Variants in MEIOC observed in about 807,000 individuals in gnomAD.
MEIOC encodes meiosis-specific coiled-coil domain-containing protein MEIOC.
Under a neutral mutation model 85.3 loss-of-function variants are expected in MEIOC, and 9 were observed. That is an observed-to-expected ratio of 0.11 (90% CI 0.06 to 0.18). The LOEUF is 0.18. MEIOC is among the 10% of genes least tolerant of loss of function. The pLI is 1.00. For synonymous variants in MEIOC, 365 were observed against 393.7 expected (o/e 0.93, Z 0.86); for missense variants, 898 against 1,129.4 (o/e 0.80, Z 2.94).
rs1425878964 is a variant in MEIOC, at chr17:44,673,533, C to G, written c.2625C>G (p.Cys875Trp). 2.6e-5 allele frequency: 40 copies of G among 1,545,462 alleles called. No individual in the cohort carries two copies. Among genetic ancestry groups the G allele is most frequent in the Middle Eastern group, 1.7e-4 (1 of 5,976 alleles). ...SNRQRQGVPR[C>W]QDDRDVFALA... ...GGCAAAGGCAAGGAGTTCCTAGATG[C>G]CAAGATGACAGAGGTACAAATATTA... The change falls in exon 7 of 8, where the codon TGC becomes TGG. Residue 875 changes from cysteine to tryptophan, a missense_variant. Coordinates refer to ENST00000409122, the MANE Select transcript of MEIOC (RefSeq NM_001145080.3).
intron 3 of MEIOC, chr17:44,665,024 C>A: frequency 2.1e-6 from 1 of 482,572 alleles, no homozygotes; most frequent in Non-Finnish European, 2.7e-6. Context: ...TATAATAAGA[C>A]AAGACTTGCT....
intron 6 of MEIOC, 54 bp from the exon 7 acceptor site, chr17:44,673,312 T>A: frequency 1.5e-6 from 2 of 1,339,392 alleles, no homozygotes; most frequent in African/African-American, 1.5e-5. Flanking sequence ...GATTTGTTTT[T>A]ACTTAAGTTA....
intron 5 of MEIOC, 120 bp downstream of exon 5, chr17:44,668,353 T>C: frequency 1.0e-6 from 1 of 965,232 alleles, no homozygotes; most frequent in Non-Finnish European, 1.5e-6. Context: ...TTTGTTGTTG[T>C]TTTAAAGAGA....
chr17:44,666,498 A>T lies in MEIOC; in HGVS notation c.587A>T (p.Tyr196Phe), dbSNP rs373304997. Residue 196 changes from tyrosine (Y) to phenylalanine (F), a missense_variant, in exon 5 of 8, where the codon TAT (tyrosine) becomes TTT (phenylalanine). By Grantham distance (22) the Tyr-to-Phe change is conservative. Coordinates refer to ENST00000409122, the MANE Select transcript of MEIOC (RefSeq NM_001145080.3). Reference protein sequence around the residue: ...IDTVISQQAFYSDESVSAMEK... With the variant: ...IDTVISQQAFFSDESVSAMEK... ...ACAGTCATCTCTCAGCAAGCTTTTT[A>T]TAGTGATGAATCTGTGTCAGCAATG... 1 of 1,600,908 alleles carries T rather than the reference A, an allele frequency of 6.2e-7. No homozygotes were observed. The highest frequency in any genetic ancestry group is 8.5e-7 in the Non-Finnish European group (1 of 1,172,940).
intron 3 of MEIOC, 71 bp downstream of exon 3, chr17:44,662,542 G>T: frequency 9.2e-7 from 1 of 1,084,066 alleles, no homozygotes; most frequent in Non-Finnish European, 1.3e-6. Flanking sequence ...GAGGTTATTT[G>T]CTCTCTGTTC....
chr17:44,668,039 C>G lies in MEIOC; in HGVS notation c.2128C>G (p.Leu710Val), dbSNP rs376480149. 2.5e-6 allele frequency: 4 copies of G among 1,613,368 alleles called. No homozygotes were observed. In the African/African-American group the frequency reaches 4.0e-5, roughly 16 times the overall value. The change falls in exon 5 of 8, where the codon CTT becomes GTT. Residue 710 changes from leucine to valine, a missense_variant. Physicochemically the swap from Leu to Val is conservative, Grantham distance 32 (BLOSUM62 1). This residue lies in a region of MEIOC where 734 missense variants were observed against 860.1 expected (regional missense o/e 0.85). Transcript: ENST00000409122. ...TCCACTGTTGGATTCCTATGACTTA[C>G]TTTCTTATGATGACTTAAGCCATTT... ...VVPLLDSYDL[L>V]SYDDLSHLYP...
In MEIOC at chr17:44,667,772, G is replaced by A. The variant is rs1217927481; in HGVS notation, c.1861G>A (p.Glu621Lys). 2 of 1,613,848 alleles carry A rather than the reference G, an allele frequency of 1.2e-6. No individual in the cohort carries two copies. Among genetic ancestry groups the A allele is most frequent in the South Asian group, 2.2e-5 (2 of 91,058 alleles). ...CCAGAGTGGACATTATGATCCTGAG[G>A]AAGGTCCAAAGCATTTAGATGGCTT... ...KPQSGHYDPEEGPKHLDGLSQ... is the reference protein window; with the variant it reads ...KPQSGHYDPEKGPKHLDGLSQ... The change falls in exon 5 of 8, where the codon GAA (glutamate) becomes AAA (lysine). Residue 621 changes from glutamate (E) to lysine (K), a missense_variant. Physicochemically the swap from Glu to Lys is moderately conservative, Grantham distance 56 (BLOSUM62 1). This residue lies in a region of MEIOC where 734 missense variants were observed against 860.1 expected (regional missense o/e 0.85). Coordinates refer to ENST00000409122, the MANE Select transcript of MEIOC (RefSeq NM_001145080.3).
At chr17:44,668,562 C>T (rs1971948078) in intron 5 of MEIOC, among the ~76,000 whole-genome samples, 1 of 152,086 alleles carries the variant, frequency 6.6e-6, no homozygotes, top group Non-Finnish European at 1.5e-5. Context: ...AAACCCCTGG[C>T]CTCAAGCCAT....
At chr17:44,664,044 T>C (rs1243209769) in intron 3 of MEIOC, among the ~76,000 whole-genome samples, 1 of 152,122 alleles carries the variant, frequency 6.6e-6, no homozygotes, top group Non-Finnish European at 1.5e-5. Flanking sequence ...AATGTTGAAA[T>C]ATGAAAAAAC....
At chr17:44,672,719 AAT>A (rs1972030509) in intron 6 of MEIOC, among the ~76,000 whole-genome samples, 1 of 152,222 alleles carries the variant, frequency 6.6e-6, no homozygotes, top group Non-Finnish European at 1.5e-5. Context: ...CTACTGACCT[AAT>A]ATATCAGTGC....
Position 44,673,981 on chromosome 17 carries a change from T to G in MEIOC, c.2644T>G (p.Phe882Val), listed in dbSNP as rs1485510592. Residue 882 changes from phenylalanine (F) to valine (V), a missense_variant, in exon 8 of 8, where the codon TTT becomes GTT. Phe to Val is a conservative substitution (Grantham distance 50). Around this residue, in one of 2 missense-constraint regions of MEIOC, gnomAD observed 164 missense variants for 269.2 expected, o/e 0.61. Coordinates refer to ENST00000409122, the MANE Select transcript of MEIOC (RefSeq NM_001145080.3). The stretch of plus-strand genomic sequence containing the variant: ...CCTGAATGTTTATTTTACAGATGTT[T>G]TTGCCCTTGCTTCTGCAATTAAAGA... ...VPRCQDDRDV[F>V]ALASAIKEMC... 2 of 1,551,286 alleles carry G rather than the reference T, an allele frequency of 1.3e-6. No homozygotes were observed. The highest frequency in any genetic ancestry group is 3.9e-5 in the Admixed American group (2 of 50,974).
At chr17:44,670,840 T>C (rs1003994268) in intron 6 of MEIOC, 1 of 152,076 alleles carries the variant, frequency 6.6e-6, no homozygotes, top group Non-Finnish European at 1.5e-5. Flanking sequence ...CAAAATACTT[T>C]TGTTTTGGCG....
In MEIOC at chr17:44,657,255, A is replaced by T. The variant is rs532124133; in HGVS notation, c.198A>T (p.Thr66=). 32 of 1,551,332 alleles carry T rather than the reference A, an allele frequency of 2.1e-5. No homozygotes were observed. In the East Asian group the frequency reaches 7.6e-4, roughly 37 times the overall value. ...TGSASFYDCY[T]SQSEDNVDLR... is the part of the protein sequence containing the mutation. ...CCGCTTCCTTCTACGATTGCTACAC[A>T]TCGCAGGTCCTTTAGTAAACTCTGC... is the stretch of plus-strand genomic sequence containing the variant. The change falls in exon 2 of 8, where the codon ACA becomes ACT. Residue 66 remains threonine, a synonymous_variant. Transcript: ENST00000409122.
rs115415332 is a variant in MEIOC at position 44,663,068 on chromosome 17, G to A, written c.359+597G>A. Among the ~76,000 whole-genome samples the A allele has an allele frequency of 3.6e-3, 544 of 152,250 alleles. 4 individuals carry two copies. Among genetic ancestry groups the A allele is most frequent in the African/African-American group, 0.013 (530 of 41,540 alleles). On this transcript the variant is annotated intron_variant, in intron 3 of 7. Coordinates refer to ENST00000409122, the MANE Select transcript of MEIOC (RefSeq NM_001145080.3). ...TATGAATGAGTTAAAACTTTTAGATGTTTTTGTCATCCAGTTCTAAATTTT... is the reference window on the plus strand; with the variant it reads ...TATGAATGAGTTAAAACTTTTAGATATTTTTGTCATCCAGTTCTAAATTTT...
Position 44,667,156 on chromosome 17 carries a change from T to G in MEIOC, c.1245T>G (p.Asp415Glu). Reference protein sequence around the residue: ...QFAKEAVFTADFGLTSEYGLK... With the variant: ...QFAKEAVFTAEFGLTSEYGLK... ...CAAAGGAAGCAGTATTCACTGCTGATTTTGGCTTAACATCAGAATATGGAC... is the reference window on the plus strand; with the variant it reads ...CAAAGGAAGCAGTATTCACTGCTGAGTTTGGCTTAACATCAGAATATGGAC... The change falls in exon 5 of 8, where the codon GAT becomes GAG. Residue 415 changes from aspartate (D) to glutamate (E), a missense_variant. By Grantham distance (45) the Asp-to-Glu change is conservative. This residue lies in a region of MEIOC where 734 missense variants were observed against 860.1 expected (regional missense o/e 0.85). Transcript: ENST00000409122. 6.2e-7 allele frequency: 1 copy of G among 1,613,878 alleles called. No individual in the cohort carries two copies. Among genetic ancestry groups the G allele is most frequent in the Non-Finnish European group, 8.5e-7 (1 of 1,179,868 alleles).
At chr17:44,677,024 T>C, downstream of MEIOC, 2 of 866,680 alleles carry the variant, frequency 2.3e-6, no homozygotes, top group Non-Finnish European at 2.8e-6. Flanking sequence ...ACTAACAAAT[T>C]GAAACAAGTA....
chr17:44,673,758 C>T, intron 7 of MEIOC: 1 of 715,884 alleles, frequency 1.4e-6, no homozygotes, highest in Non-Finnish European at 2.2e-6. Flanking sequence ...CTGTGTTCTA[C>T]TCAAACTATA....
In MEIOC at chr17:44,657,143, C is replaced by T. The variant is rs183479491; in HGVS notation, c.86C>T (p.Pro29Leu). 200 of 1,550,830 alleles carry T rather than the reference C, an allele frequency of 1.3e-4. 1 individual carries two copies. In the African/African-American group the frequency reaches 2.5e-3, roughly 20 times the overall value. Residue 29 changes from proline (P) to leucine (L), a missense_variant, in exon 2 of 8, where the codon CCC becomes CTC. This residue lies in a region of MEIOC where 734 missense variants were observed against 860.1 expected (regional missense o/e 0.85). Coordinates refer to ENST00000409122, the MANE Select transcript of MEIOC (RefSeq NM_001145080.3). The part of the protein sequence containing the change: ...EEGLEPKVAF[P>L]GGANRCWNLG... ...GTGCTGCAGCCCAAAGTCGCGTTCC[C>T]CGGAGGTGCGAATCGCTGTTGGAAC...
At chr17:44,661,829 C>T (rs1220667871) in intron 2 of MEIOC, among the ~76,000 whole-genome samples, 2 of 152,118 alleles carry the variant, frequency 1.3e-5, no homozygotes, top group Non-Finnish European at 2.9e-5. Context: ...CAGGCTTGAG[C>T]CACCGCGCCT....
Sources: gnomAD v4.1 joint callset for allele counts (sites outside exome capture counted in the v4.1 genomes callset) on GRCh38, gnomAD v4.1.1 for gene constraint, gnomAD v4.1.1 regional missense constraint, MANE v1.5 for transcripts, NCBI Gene and HGNC (gene_info 2026-07-23, HGNC 2026-07-21) for gene names.